The following ACCSL variants were observed in gnomAD, a reference collection of about 807,000 sequenced individuals.
The protein encoded by ACCSL is probable inactive 1-aminocyclopropane-1-carboxylate synthase-like protein 2.
In ACCSL, 55 loss-of-function variants were observed where a neutral mutation model predicts 61.7. That is an observed-to-expected ratio of 0.89 (90% CI 0.72 to 1.12). ACCSL has a LOEUF of 1.12. ACCSL is among the 50% of genes most tolerant of loss of function. The probability of loss-of-function intolerance (pLI) is 0.00; values close to 1 mark genes in which losing one functional copy is unlikely to be tolerated. For missense variants in ACCSL, 632 were observed against 698.0 expected (o/e 0.91, Z 1.07); for synonymous variants, 258 against 264.3 (o/e 0.98, Z 0.23).
At chr11:43,945,255 C>T in the ACCSL span, 2 of 152,318 alleles carry the variant, frequency 1.3e-5, no homozygotes, top group East Asian at 1.9e-4. Context: ...CACTGTGGGT[C>T]GATGCTTTAT....
chr11:44,042,705 A>G, the ACCSL span, among the ~76,000 whole-genome samples: 1 of 150,690 alleles, frequency 6.6e-6, no homozygotes, highest in Admixed American at 6.6e-5. Flanking sequence ...TTTTTCTACT[A>G]TAAAATAATT....
the ACCSL span, among the ~76,000 whole-genome samples, chr11:43,993,633 C>A: frequency 9.9e-5 from 15 of 152,088 alleles, no homozygotes; most frequent in Admixed American, 9.8e-4. Context: ...TCCTGGACGC[C>A]CCTTGCCGGA....
At chr11:43,936,822 G>A in the ACCSL span, among the ~76,000 whole-genome samples, 1 of 151,976 alleles carries the variant, frequency 6.6e-6, no homozygotes, top group Non-Finnish European at 1.5e-5. Flanking sequence ...TGGGTGGTAA[G>A]CCCCGGGGAT....
At chr11:44,040,748 G>C in the ACCSL span, among the ~76,000 whole-genome samples, 1 of 152,128 alleles carries the variant, frequency 6.6e-6, no homozygotes, top group Admixed American at 6.5e-5. Context: ...CTTTGGACCC[G>C]GTGATGCCTA....
At chr11:44,030,169 G>C in the ACCSL span, among the ~76,000 whole-genome samples, 1 of 133,614 alleles carries the variant, frequency 7.5e-6, no homozygotes, top group Non-Finnish European at 1.5e-5. Flanking sequence ...ATGTCTACTT[G>C]TCTCTCCCTG....
At chr11:44,033,184 C>G in the ACCSL span, among the ~76,000 whole-genome samples, 1 of 152,120 alleles carries the variant, frequency 6.6e-6, no homozygotes, top group Admixed American at 6.5e-5. Flanking sequence ...CATAACCTCT[C>G]CAGCCCTCCT....
chr11:43,947,750 A>C, the ACCSL span, among the ~76,000 whole-genome samples: 345 of 28,202 alleles, frequency 0.012, no homozygotes, highest in African/African-American at 0.032. Context: ...AGAGAGAGAG[A>C]GAGAGAGAGA....
chr11:44,036,781 C>CA, the ACCSL span, among the ~76,000 whole-genome samples: 5,288 of 56,030 alleles, frequency 0.094, 273 homozygotes, highest in African/African-American at 0.21. Flanking sequence ...GACACCAGCT[C>CA]AAAAAAAAAA....
chr11:43,953,806 T>C, the ACCSL span, among the ~76,000 whole-genome samples: 1 of 152,132 alleles, frequency 6.6e-6, no homozygotes, highest in Non-Finnish European at 1.5e-5. Flanking sequence ...TTGTTTAGCA[T>C]ATAATCGAAA....
chr11:44,003,098 GTTA>G, the ACCSL span, among the ~76,000 whole-genome samples: 1 of 152,160 alleles, frequency 6.6e-6, no homozygotes, highest in Admixed American at 6.5e-5. Flanking sequence ...AATGTAAAAT[GTTA>G]TTATATTTTG....
the ACCSL span, among the ~76,000 whole-genome samples, chr11:44,024,441 C>CTGTGTGTGTGTGTG: frequency 7.6e-6 from 1 of 132,098 alleles, no homozygotes. Flanking sequence ...CTCTCTCTCT[C>CTGTGTGTGTGTGTG]TGTGTGTGTG....
chr11:43,994,838 T>C, the ACCSL span, among the ~76,000 whole-genome samples: 2 of 152,098 alleles, frequency 1.3e-5, no homozygotes, highest in African/African-American at 4.8e-5. Flanking sequence ...TTTCACCATG[T>C]TGCCCAGGCT....
chr11:43,984,706 C>T, the ACCSL span, among the ~76,000 whole-genome samples: 3 of 152,254 alleles, frequency 2.0e-5, no homozygotes, highest in African/African-American at 4.8e-5. Flanking sequence ...CTGCCTTTCC[C>T]GTTGGCCACA....
the ACCSL span, among the ~76,000 whole-genome samples, chr11:43,967,652 A>AT: frequency 1.3e-4 from 19 of 151,318 alleles, no homozygotes; most frequent in Middle Eastern, 6.8e-3. Flanking sequence ...CCATGATAAC[A>AT]TTTTTTTTTC....
At chr11:43,993,712 T>C in the ACCSL span, among the ~76,000 whole-genome samples, 61 of 152,162 alleles carry the variant, frequency 4.0e-4, no homozygotes, top group East Asian at 5.4e-3. Context: ...CCCCCTTCTG[T>C]GCACACCCCA....
chr11:43,960,715 G>A, the ACCSL span, among the ~76,000 whole-genome samples: 1 of 152,194 alleles, frequency 6.6e-6, no homozygotes, highest in African/African-American at 2.4e-5. Context: ...CAATACTGCA[G>A]TTTGTCTTTC....
At chr11:43,999,788 C>T in the ACCSL span, among the ~76,000 whole-genome samples, 1 of 152,020 alleles carries the variant, frequency 6.6e-6, no homozygotes. Context: ...TTCCTGATCC[C>T]ATGTAGTAGG....
the ACCSL span, among the ~76,000 whole-genome samples, chr11:43,978,003 CTTTTTTT>C: frequency 3.1e-5 from 3 of 97,660 alleles, no homozygotes; most frequent in African/African-American, 4.4e-5. Flanking sequence ...CTAGGAAGCT[CTTTTTTT>C]TTTTTTTTTT....
At chr11:43,954,091 T>C in the ACCSL span, among the ~76,000 whole-genome samples, 1 of 152,164 alleles carries the variant, frequency 6.6e-6, no homozygotes, top group African/African-American at 2.4e-5. Flanking sequence ...AGGAGCCACA[T>C]GTGGCTCTGG....
Sources: gnomAD v4.1 joint callset for allele counts (sites outside exome capture counted in the v4.1 genomes callset) on GRCh38, gnomAD v4.1.1 for gene constraint, MANE v1.5 for transcripts, NCBI Gene and HGNC (gene_info 2026-07-23, HGNC 2026-07-21) for gene names.